The following USHBP1 variants were observed in gnomAD, a reference collection of about 807,000 sequenced individuals.
USHBP1 encodes the protein USH1 protein network component harmonin binding protein 1, also known as harmonin-binding protein USHBP1.
In USHBP1, 67 loss-of-function variants were observed where a neutral mutation model predicts 76.2. The observed-to-expected ratio is 0.88, with a 90% confidence interval of 0.72 to 1.08. The LOEUF is 1.08. Among genes scored for constraint, USHBP1 ranks in the 50% least tolerant of loss-of-function variants. USHBP1 has a pLI of 0.00. For synonymous variants in USHBP1, 322 were observed against 362.2 expected, an observed-to-expected ratio of 0.89 and a Z score of 1.26; for missense variants, 931 against 915.0, an observed-to-expected ratio of 1.02 and a Z score of -0.23.
intron 7 of USHBP1, 99 bp downstream of exon 7, chr19:17,259,190 G>A (rs2145589257): frequency 6.8e-7 from 1 of 1,470,396 alleles, no homozygotes; most frequent in East Asian, 2.4e-5. Flanking sequence ...TTTCTGAAGT[G>A]GGGAAGGTGC....
intron 8 of USHBP1, among the ~76,000 whole-genome samples, chr19:17,257,795 C>T (rs2073638496): frequency 6.6e-6 from 1 of 152,050 alleles, no homozygotes; most frequent in African/African-American, 2.4e-5. Flanking sequence ...TACGCGGGCA[C>T]ACCACCATGC....
rs199639123 is a variant in USHBP1, at chr19:17,264,077, G to A, written c.128C>T (p.Ala43Val). 1.6e-4 allele frequency: 266 copies of A among 1,613,844 alleles called. No homozygotes were observed. The highest frequency in any genetic ancestry group is 1.7e-4 in the Middle Eastern group (1 of 6,060). ...CAGCCCGGAGCTCACCGGAGGTGGG[G>A]CAAAGCTGGGCTTGGAGCTCCCACT... is the stretch of plus-strand genomic sequence containing the variant. ...AASGSSKPSF[A>V]PPPVSSGLEQ... Residue 43 changes from alanine to valine, a missense_variant, in exon 3 of 13, where the codon GCC (alanine) becomes GTC (valine). Physicochemically the swap from Ala to Val is moderately conservative, Grantham distance 64. Coordinates refer to ENST00000252597, the MANE Select transcript of USHBP1 (RefSeq NM_031941.4).
chr19:17,254,467 G>A (rs1261759144), intron 10 of USHBP1, among the ~76,000 whole-genome samples: 2 of 151,106 alleles, frequency 1.3e-5, no homozygotes, highest in Admixed American at 6.6e-5. Flanking sequence ...ACCAGCCTTA[G>A]TAACATGGGG....
At chr19:17,257,364 C>T (rs1364572374) in intron 8 of USHBP1, among the ~76,000 whole-genome samples, 5 of 145,898 alleles carry the variant, frequency 3.4e-5, no homozygotes, top group Admixed American at 6.8e-5. Context: ...TAGCTGCGGC[C>T]GGGCGCAGTG....
rs1365482550 is a variant in USHBP1 at position 17,250,001 on chromosome 19, A to C, written c.*224T>G. On this transcript the variant is annotated 3_prime_UTR_variant, in exon 13 of 13. Coordinates refer to ENST00000252597, the MANE Select transcript of USHBP1 (RefSeq NM_031941.4). ...GGTTGCTTCTGGCCTGACCCCACTGATATGAAGTTCACATTCCACTTGGTG... is the reference window on the plus strand; with the variant it reads ...GGTTGCTTCTGGCCTGACCCCACTGCTATGAAGTTCACATTCCACTTGGTG... The C allele has an allele frequency of 1.7e-6, 1 of 572,236 alleles. No homozygotes were observed. Among genetic ancestry groups the C allele is most frequent in the Non-Finnish European group, 3.1e-6 (1 of 327,840 alleles). The allele number at this position is 572,236 out of a possible 1,614,324, so 35.4% of individuals were successfully genotyped here.
At chr19:17,257,671 G>T (rs1366455191) in intron 8 of USHBP1, among the ~76,000 whole-genome samples, 3 of 147,748 alleles carry the variant, frequency 2.0e-5, no homozygotes, top group Non-Finnish European at 4.5e-5. Flanking sequence ...AAAAAAGACA[G>T]GGTCTCACTC....
intron 4 of USHBP1, among the ~76,000 whole-genome samples, chr19:17,261,339 T>TTCTTTCTTTC (rs1393520875): frequency 1.1e-4 from 16 of 144,364 alleles, no homozygotes; most frequent in African/African-American, 2.3e-4. Context: ...CTTTCTTTCT[T>TTCTTTCTTTC]TTTTTTTTTT....
Position 17,256,692 on chromosome 19 carries a change from TG to T in USHBP1, c.1248del (p.Thr417ProfsTer22). On this transcript the variant is annotated frameshift_variant, in exon 9 of 13. Transcript: ENST00000252597. LOFTEE classifies it high-confidence loss of function. ...PSPEGSSVDK[P>X]TPQEVAFQLR... ...AGCTGGAAAGCCACTTCCTGTGGGG[TG>T]GGCTTATCCACACTGCTGCCTTCAG... is the stretch of plus-strand genomic sequence containing the variant. 6.2e-7 allele frequency: 1 copy of T among 1,614,108 alleles called. No homozygotes were observed. The highest frequency in any genetic ancestry group is 8.5e-7 in the Non-Finnish European group (1 of 1,180,024).
At position 17,259,969 on chromosome 19, in the gene USHBP1, G is replaced by A. The variant is rs1303337922; in HGVS notation, c.696C>T (p.Ser232=). Residue 232 remains serine (S), a synonymous_variant, in exon 5 of 13, where the codon TCC becomes TCT. Transcript: ENST00000252597. The part of the protein sequence containing the change: ...LLRLEPCPHL[S]HNQAGGSGSG... ...TGCCTGAGCCACCTGCTTGGTTGTG[G>A]GAAAGATGTGGGCAGGGCTCCAGCC... The A allele has an allele frequency of 3.1e-6, 5 of 1,614,040 alleles. No individual in the cohort carries two copies. In the South Asian group the frequency reaches 5.5e-5, roughly 18 times the overall value.
chr19:17,257,472 G>A (rs1305484745), intron 8 of USHBP1, among the ~76,000 whole-genome samples: 5 of 150,110 alleles, frequency 3.3e-5, no homozygotes, highest in Admixed American at 1.3e-4. Flanking sequence ...GAGAAACCCC[G>A]TCTCTACTAA....
chr19:17,251,846 C>A (rs908020215), intron 11 of USHBP1, 65 bp downstream of exon 11: 2 of 1,514,634 alleles, frequency 1.3e-6, no homozygotes, highest in Non-Finnish European at 1.8e-6. Context: ...GCAGACGACA[C>A]CCCCGGGGGC....
chr19:17,261,644 T>TA (rs1599478182), intron 4 of USHBP1, among the ~76,000 whole-genome samples: 3 of 147,388 alleles, frequency 2.0e-5, no homozygotes, highest in Admixed American at 6.8e-5. Flanking sequence ...ATTATTATTT[T>TA]TTTTTTTTTT....
In USHBP1 at chr19:17,262,696, T is replaced by C; in HGVS notation, c.498A>G (p.Ala166=). 1 of 1,614,174 alleles carries C rather than the reference T, an allele frequency of 6.2e-7. No homozygotes were observed. The highest frequency in any genetic ancestry group is 1.3e-5 in the African/African-American group (1 of 75,074). ...GAGCTGCCTCTCGCTGGCAGCTCCC[T>C]GCCCCTTCCTGCTTCCCAAGGGAAC... ...GAGSLGKQEG[A]GSCQREAARL... is the part of the protein sequence containing the mutation. Residue 166 remains alanine, a synonymous_variant, in exon 4 of 13, where the codon GCA becomes GCG. Coordinates refer to ENST00000252597, the MANE Select transcript of USHBP1 (RefSeq NM_031941.4).
At chr19:17,260,285 CTAAGA>C (rs1258098325) in intron 4 of USHBP1, among the ~76,000 whole-genome samples, 2 of 152,192 alleles carry the variant, frequency 1.3e-5, no homozygotes, top group African/African-American at 2.4e-5. Flanking sequence ...TTCTACCAGC[CTAAGA>C]TGAGGGCTTC....
Position 17,264,051 on chromosome 19 carries a change from C to G in USHBP1, c.154G>C (p.Glu52Gln). 6.2e-7 allele frequency: 1 copy of G among 1,612,606 alleles called. No individual in the cohort carries two copies. Among genetic ancestry groups the G allele is most frequent in the African/African-American group, 1.3e-5 (1 of 75,044 alleles). The change falls in exon 3 of 13, where the codon GAG (glutamate) becomes CAG (glutamine). Residue 52 changes from glutamate to glutamine, a missense_variant. Coordinates refer to ENST00000252597, the MANE Select transcript of USHBP1 (RefSeq NM_031941.4). ...FAPPPVSSGL[E>Q]QLGPMEEVSG... Reference sequence around the variant, plus strand: ...ACCTCCTCCATGGGGCCCAGCTGCTCCAGCCCGGAGCTCACCGGAGGTGGG... The same window carrying G: ...ACCTCCTCCATGGGGCCCAGCTGCTGCAGCCCGGAGCTCACCGGAGGTGGG...
In USHBP1 at chr19:17,264,039, G is replaced by A. The variant is rs769312791; in HGVS notation, c.166C>T (p.Pro56Ser). The A allele has an allele frequency of 3.1e-6, 5 of 1,610,424 alleles. No homozygotes were observed. The highest frequency in any genetic ancestry group is 4.2e-6 in the Non-Finnish European group (5 of 1,178,328). Residue 56 changes from proline to serine, a missense_variant, in exon 3 of 13, where the codon CCC becomes TCC. Transcript: ENST00000252597. ...CCTTGGCCACTGACCTCCTCCATGG[G>A]GCCCAGCTGCTCCAGCCCGGAGCTC... ...PVSSGLEQLG[P>S]MEEVSGQGLG... is the part of the protein sequence containing the mutation.
In USHBP1 at chr19:17,255,436, G is replaced by A. The variant is rs747417737; in HGVS notation, c.1641C>T (p.Gly547=). 2.7e-5 allele frequency: 44 copies of A among 1,613,958 alleles called. No individual in the cohort carries two copies. Among genetic ancestry groups the A allele is most frequent in the Non-Finnish European group, 3.3e-5 (39 of 1,180,000 alleles). ...TGCTGCCACCTCCGCTGCTATGTCC[G>A]CCACTGCTGTTTGCCCCACCAGCCT... The part of the protein sequence containing the change: ...ELQAGGANSS[G]GHSSGGGSSG... Residue 547 remains glycine, a synonymous_variant, in exon 10 of 13, where the codon GGC becomes GGT. Coordinates refer to ENST00000252597, the MANE Select transcript of USHBP1 (RefSeq NM_031941.4).
At chr19:17,263,110 T>C in intron 3 of USHBP1, 120 bp from the exon 4 acceptor site, 5 of 1,016,670 alleles carry the variant, frequency 4.9e-6, no homozygotes, top group Non-Finnish European at 5.4e-6. Flanking sequence ...CGATCTCGGC[T>C]CACTGCAACC....
Position 17,256,542 on chromosome 19 carries a change from C to G in USHBP1, c.1399G>C (p.Gly467Arg), listed in dbSNP as rs752815928. 6.2e-7 allele frequency: 1 copy of G among 1,614,006 alleles called. No homozygotes were observed. The part of the protein sequence containing the change: ...RAEAMVQAIL[G>R]TQAGPALPRL... ...GGAAGAGCTGGGCCAGCCTGGGTCC[C>G]CAGAATGGCCTGCACCATGGCTTCT... Residue 467 changes from glycine to arginine, a missense_variant, in exon 9 of 13, where the codon GGG becomes CGG. By Grantham distance (125) the Gly-to-Arg change is moderately radical (BLOSUM62 -2). Coordinates refer to ENST00000252597, the MANE Select transcript of USHBP1 (RefSeq NM_031941.4).
Sources: gnomAD v4.1 joint callset for allele counts (sites outside exome capture counted in the v4.1 genomes callset) on GRCh38, gnomAD v4.1.1 for gene constraint, MANE v1.5 for transcripts, NCBI Gene and HGNC (gene_info 2026-07-23, HGNC 2026-07-21) for gene names.